Variants in GRXCR1 observed in about 807,000 individuals in gnomAD.
GRXCR1 encodes the protein glutaredoxin and cysteine rich domain containing 1.
Under a neutral mutation model 27.3 loss-of-function variants are expected in GRXCR1, and 27 were observed. The observed-to-expected ratio is 0.99, with a 90% CI of 0.73 to 1.37. The LOEUF is 1.37. Ranked by LOEUF, GRXCR1 falls within the 40% of genes most tolerant of loss-of-function variation. The pLI, the probability that GRXCR1 is intolerant of heterozygous loss-of-function variation, is 0.00. For synonymous variants in GRXCR1, 122 were observed against 131.1 expected (o/e 0.93, Z 0.47); for missense variants, 379 against 354.4 (o/e 1.07, Z -0.56).
intron 1 of GRXCR1, among the ~76,000 whole-genome samples, chr4:42,898,809 T>G (rs1485158149): frequency 6.7e-6 from 1 of 148,748 alleles, no homozygotes; most frequent in East Asian, 2.0e-4. Flanking sequence ...TCTTATGTAG[T>G]GTTCTGTCAA....
intron 2 of GRXCR1, among the ~76,000 whole-genome samples, chr4:42,965,922 G>A (rs764284834): frequency 1.1e-4 from 16 of 151,848 alleles, no homozygotes; most frequent in South Asian, 2.1e-4. Flanking sequence ...TATCTTCATC[G>A]AAGTGAAAAT....
At chr4:43,005,317 C>T (rs1712520172) in intron 2 of GRXCR1, among the ~76,000 whole-genome samples, 1 of 152,152 alleles carries the variant, frequency 6.6e-6, no homozygotes, top group African/African-American at 2.4e-5. Flanking sequence ...TCAGGTAGTC[C>T]TTTATAGCAG....
chr4:42,946,626 C>T (rs1015765957), intron 1 of GRXCR1, among the ~76,000 whole-genome samples: 1 of 152,138 alleles, frequency 6.6e-6, no homozygotes, highest in Non-Finnish European at 1.5e-5. Context: ...CTGATGAGGG[C>T]TTTTTCCTCA....
At chr4:42,966,453 A>C (rs1367728865) in intron 2 of GRXCR1, among the ~76,000 whole-genome samples, 1 of 152,082 alleles carries the variant, frequency 6.6e-6, no homozygotes, top group Non-Finnish European at 1.5e-5. Context: ...TATATGTTTA[A>C]AGTACTGCAT....
chr4:42,943,870 C>A (rs781390087), intron 1 of GRXCR1, among the ~76,000 whole-genome samples: 1 of 151,806 alleles, frequency 6.6e-6, no homozygotes, highest in Non-Finnish European at 1.5e-5. Flanking sequence ...TGGGTAGATG[C>A]CATGTATACC....
At chr4:43,005,424 C>T (rs1712525308) in intron 2 of GRXCR1, among the ~76,000 whole-genome samples, 1 of 152,142 alleles carries the variant, frequency 6.6e-6, no homozygotes, top group South Asian at 2.1e-4. Context: ...ATTATTATAG[C>T]ACAATCTTCA....
intron 1 of GRXCR1, among the ~76,000 whole-genome samples, chr4:42,943,373 G>A (rs1397948959): frequency 1.3e-5 from 2 of 152,068 alleles, no homozygotes; most frequent in Non-Finnish European, 2.9e-5. Context: ...GTGGTCCTGG[G>A]AAAGGAACTC....
chr4:43,024,945 C>T (rs560646614), intron 3 of GRXCR1, among the ~76,000 whole-genome samples: 22 of 152,166 alleles, frequency 1.4e-4, no homozygotes, highest in African/African-American at 4.8e-4. Flanking sequence ...TAAGTTGCTT[C>T]CTCTTTGATA....
At chr4:42,934,759 C>G (rs1319838600) in intron 1 of GRXCR1, among the ~76,000 whole-genome samples, 1 of 151,978 alleles carries the variant, frequency 6.6e-6, no homozygotes. Flanking sequence ...ACAGCTAAGT[C>G]TAGTGACTCA....
chr4:42,978,830 G>A (rs938785964), intron 2 of GRXCR1, among the ~76,000 whole-genome samples: 2 of 137,936 alleles, frequency 1.4e-5, no homozygotes, highest in East Asian at 4.4e-4. Flanking sequence ...TAATCCCCCT[G>A]GTCAAGAAAG....
chr4:42,896,819 TTATTCATTC>T (rs1444848276), intron 1 of GRXCR1, among the ~76,000 whole-genome samples: 1 of 152,150 alleles, frequency 6.6e-6, no homozygotes, highest in African/African-American at 2.4e-5. Context: ...CAATGACTTG[TTATTCATTC>T]TTTTGATCAG....
intron 1 of GRXCR1, among the ~76,000 whole-genome samples, chr4:42,913,715 C>T (rs1266806449): frequency 2.0e-5 from 3 of 152,138 alleles, no homozygotes; most frequent in Non-Finnish European, 2.9e-5. Flanking sequence ...ATCACCAGGT[C>T]ATGTCAGAGA....
At chr4:43,016,766 C>T (rs991455100) in intron 2 of GRXCR1, among the ~76,000 whole-genome samples, 16 of 152,178 alleles carry the variant, frequency 1.1e-4, no homozygotes, top group East Asian at 7.7e-4. Flanking sequence ...TGAATGAGTA[C>T]GGTAGCACAC....
intron 1 of GRXCR1, among the ~76,000 whole-genome samples, chr4:42,959,775 T>C (rs1278964192): frequency 6.6e-6 from 1 of 151,896 alleles, no homozygotes. Flanking sequence ...TTTATCTAAC[T>C]AGCTCTAGAA....
intron 3 of GRXCR1, among the ~76,000 whole-genome samples, chr4:43,026,260 A>T (rs1419920255): frequency 6.6e-6 from 1 of 152,046 alleles, no homozygotes; most frequent in Non-Finnish European, 1.5e-5. Flanking sequence ...ATCCAATATA[A>T]CCCAACTGGG....
Position 42,962,369 on chromosome 4 carries a change from C to T in GRXCR1, c.385-523C>T, listed in dbSNP as rs183382685. ...CCTGTCACTCAACAGAGCCCTTGCACATATGTCATGCTACTTAAAACTTAG... is the reference window on the plus strand; with the variant it reads ...CCTGTCACTCAACAGAGCCCTTGCATATATGTCATGCTACTTAAAACTTAG... On this transcript the variant is annotated intron_variant, in intron 1 of 3. Transcript: ENST00000399770. Among the ~76,000 whole-genome samples, 5 of 152,056 alleles carry T rather than the reference C, an allele frequency of 3.3e-5. No homozygotes were observed. The East Asian group carries it at 9.7e-4, about 30-fold the overall frequency.
intron 1 of GRXCR1, among the ~76,000 whole-genome samples, chr4:42,906,289 A>G (rs1262324928): frequency 1.3e-5 from 2 of 152,158 alleles, no homozygotes; most frequent in African/African-American, 2.4e-5. Flanking sequence ...ATGCTGTCCA[A>G]TTTTAAAAAG....
At chr4:43,025,074 C>A (rs1488943508) in intron 3 of GRXCR1, among the ~76,000 whole-genome samples, 1 of 152,212 alleles carries the variant, frequency 6.6e-6, no homozygotes, top group Non-Finnish European at 1.5e-5. Context: ...ATCTTAGCAT[C>A]CTGTTTCTAT....
rs765148609 is a variant in GRXCR1 at position 42,893,380 on chromosome 4, G to A, written c.114G>A (p.Pro38=). 1.1e-5 allele frequency: 18 copies of A among 1,613,700 alleles called. No individual in the cohort carries two copies. Among genetic ancestry groups the A allele is most frequent in the Admixed American group, 5.0e-5 (3 of 59,970 alleles). Residue 38 remains proline, a synonymous_variant, in exon 1 of 4, where the codon CCG becomes CCA. Transcript: ENST00000399770. ...AGGAAGTGTATGAAGATGGGCAACC[G>A]TCAGGCTCTCTGGATTCTGAATGTG... ...VLKEVYEDGQ[P]SGSLDSECAS...
Sources: allele counts gnomAD v4.1 joint callset (sites outside exome capture counted in the v4.1 genomes callset), GRCh38; gene constraint gnomAD v4.1.1; transcripts MANE v1.5; gene names NCBI Gene and HGNC (gene_info 2026-07-23, HGNC 2026-07-21).